The following HS3ST4 variants were observed in gnomAD, a reference collection of about 807,000 sequenced individuals.
The protein encoded by HS3ST4 is heparan sulfate-glucosamine 3-sulfotransferase 4.
HS3ST4 carries 17 observed loss-of-function variants against 29.2 expected under a neutral mutation model. That is an observed-to-expected ratio of 0.58 (90% confidence interval 0.40 to 0.87). The LOEUF is 0.87. Ranked by LOEUF, HS3ST4 falls within the 40% of genes least tolerant of loss-of-function variation. The pLI is 0.00. For synonymous variants in HS3ST4, 314 were observed against 285.7 expected, an observed-to-expected ratio of 1.10 and a Z score of -1.00; for missense variants, 627 against 634.5, an observed-to-expected ratio of 0.99 and a Z score of 0.13.
chr16:25,748,359 G>A (rs187307736), intron 1 of HS3ST4, among the ~76,000 whole-genome samples: 4 of 152,180 alleles, frequency 2.6e-5, no homozygotes, highest in Non-Finnish European at 5.9e-5. Flanking sequence ...TGCATTGCTA[G>A]CTTTTTCCCT....
At chr16:25,741,395 G>C (rs966465342) in intron 1 of HS3ST4, among the ~76,000 whole-genome samples, 3 of 134,800 alleles carry the variant, frequency 2.2e-5, no homozygotes, top group Non-Finnish European at 3.2e-5. Context: ...AAAAAAGGCG[G>C]GGGGAGGAGG....
At chr16:25,737,442 A>G (rs970865463) in intron 1 of HS3ST4, among the ~76,000 whole-genome samples, 4 of 152,250 alleles carry the variant, frequency 2.6e-5, no homozygotes, top group African/African-American at 9.6e-5. Context: ...CTTTTACAGC[A>G]ATGTGAGTAA....
At chr16:25,807,432 CT>C (rs1343530609) in intron 1 of HS3ST4, among the ~76,000 whole-genome samples, 1 of 152,048 alleles carries the variant, frequency 6.6e-6, no homozygotes, top group Non-Finnish European at 1.5e-5. Context: ...TGGACTCTGA[CT>C]TTTTTTTATT....
chr16:25,748,505 C>T (rs940632078), intron 1 of HS3ST4, among the ~76,000 whole-genome samples: 16 of 152,152 alleles, frequency 1.1e-4, no homozygotes, highest in African/African-American at 3.6e-4. Flanking sequence ...TTAAGAATTC[C>T]TCCTTCAATG....
At position 26,069,562 on chromosome 16, in the gene HS3ST4, T is replaced by TA. The variant is rs1567305724; in HGVS notation, c.735-66050_735-66049insA. 2.4e-4 allele frequency among the ~76,000 whole-genome samples: 36 copies of TA among 148,938 alleles called. No individual in the cohort carries two copies. The South Asian group carries it at 4.0e-3, about 16-fold the overall frequency. ...AGTAAATTCTTTTATATATATATAT[T>TA]TTTTTTTATTATACTTTAAGTTCTA... On this transcript the variant is annotated intron_variant, in intron 1 of 1. Transcript: ENST00000331351.
chr16:25,947,890 T>C (rs1015727026), intron 1 of HS3ST4, among the ~76,000 whole-genome samples: 4 of 152,136 alleles, frequency 2.6e-5, no homozygotes, highest in African/African-American at 9.7e-5. Context: ...ATTAATTTCC[T>C]GGTACATCAG....
At chr16:25,866,722 A>G (rs1967698576) in intron 1 of HS3ST4, among the ~76,000 whole-genome samples, 1 of 152,216 alleles carries the variant, frequency 6.6e-6, no homozygotes, top group Non-Finnish European at 1.5e-5. Context: ...CTTAAAACCT[A>G]GATGACGGGT....
At chr16:26,006,656 T>C (rs747885858) in intron 1 of HS3ST4, among the ~76,000 whole-genome samples, 1 of 152,170 alleles carries the variant, frequency 6.6e-6, no homozygotes, top group Non-Finnish European at 1.5e-5. Context: ...TGGTGCACCA[T>C]TGGTGGTCAG....
intron 1 of HS3ST4, among the ~76,000 whole-genome samples, chr16:25,967,044 A>G (rs1172317244): frequency 6.6e-6 from 1 of 152,248 alleles, no homozygotes. Context: ...AGGAATTCTG[A>G]GGATGGGATC....
intron 1 of HS3ST4, among the ~76,000 whole-genome samples, chr16:26,111,383 AAGG>A (rs1243870066): frequency 7.5e-5 from 9 of 120,078 alleles, no homozygotes; most frequent in Non-Finnish European, 1.4e-4. Flanking sequence ...TCCTGGCCAG[AAGG>A]AGGTCTTTTT....
At chr16:25,698,205 C>T (rs527746748) in intron 1 of HS3ST4, among the ~76,000 whole-genome samples, 118 of 152,228 alleles carry the variant, frequency 7.8e-4, no homozygotes, top group Non-Finnish European at 1.3e-3. Context: ...TGCTGGGATA[C>T]GGGCATGTAC....
intron 1 of HS3ST4, among the ~76,000 whole-genome samples, chr16:25,941,758 A>C (rs987013177): frequency 3.3e-5 from 5 of 151,784 alleles, no homozygotes; most frequent in Admixed American, 3.3e-4. Context: ...TTGTATTTTT[A>C]GCAGAGATGG....
At chr16:26,075,823 G>A (rs1898655726) in intron 1 of HS3ST4, among the ~76,000 whole-genome samples, 1 of 152,240 alleles carries the variant, frequency 6.6e-6, no homozygotes, top group South Asian at 2.1e-4. Flanking sequence ...TACATTATCT[G>A]CTGCAATATT....
At chr16:25,949,420 T>C (rs534539670) in intron 1 of HS3ST4, among the ~76,000 whole-genome samples, 21 of 152,308 alleles carry the variant, frequency 1.4e-4, no homozygotes, top group Non-Finnish European at 2.6e-4. Context: ...TCTATGTTCA[T>C]GATTTCTAGT....
At chr16:26,124,382 AGTGACC>A (rs1899315693) in intron 1 of HS3ST4, among the ~76,000 whole-genome samples, 1 of 152,072 alleles carries the variant, frequency 6.6e-6, no homozygotes, top group Non-Finnish European at 1.5e-5. Context: ...ATTTCAGTAT[AGTGACC>A]TTGGTTTTCC....
chr16:25,882,475 T>G (rs1967904082), intron 1 of HS3ST4, among the ~76,000 whole-genome samples: 1 of 152,178 alleles, frequency 6.6e-6, no homozygotes, highest in African/African-American at 2.4e-5. Context: ...GCACTTTTTC[T>G]CTGGGCCATT....
At chr16:25,730,527 T>G (rs1349708937) in intron 1 of HS3ST4, among the ~76,000 whole-genome samples, 1 of 131,010 alleles carries the variant, frequency 7.6e-6, no homozygotes. Context: ...CCCTCTGTCC[T>G]TCTCTCCCTC....
intron 1 of HS3ST4, among the ~76,000 whole-genome samples, chr16:25,884,172 A>C (rs1417899719): frequency 6.6e-6 from 1 of 152,156 alleles, no homozygotes; most frequent in Non-Finnish European, 1.5e-5. Context: ...ATCACGGAAA[A>C]AGAAGTGGAG....
intron 1 of HS3ST4, among the ~76,000 whole-genome samples, chr16:25,914,932 A>G (rs1364133461): frequency 6.6e-6 from 1 of 151,946 alleles, no homozygotes; most frequent in Non-Finnish European, 1.5e-5. Context: ...AAAAAAAAAG[A>G]CACTCTCTCT....
Sources: gnomAD v4.1 joint callset for allele counts (sites outside exome capture counted in the v4.1 genomes callset) on GRCh38, gnomAD v4.1.1 for gene constraint, MANE v1.5 for transcripts, NCBI Gene and HGNC (gene_info 2026-07-23, HGNC 2026-07-21) for gene names.